Variants in SP100 observed in about 807,000 individuals in gnomAD.
SP100 encodes SP100 nuclear body protein, also known as nuclear autoantigen Sp-100.
Under a neutral mutation model 130.0 loss-of-function variants are expected in SP100, and 84 were observed. The observed-to-expected ratio is 0.65, with a 90% CI of 0.54 to 0.77. SP100 has a LOEUF of 0.77. SP100 is among the 30% of genes least tolerant of loss of function. The pLI is 0.00. For synonymous variants in SP100, 331 were observed against 351.7 expected, an observed-to-expected ratio of 0.94 and a Z score of 0.66; for missense variants, 978 against 1,052.2, an observed-to-expected ratio of 0.93 and a Z score of 0.97.
chr2:230,513,974 C>T (rs1046984861), intron 24 of SP100, among the ~76,000 whole-genome samples: 1 of 152,046 alleles, frequency 6.6e-6, no homozygotes, highest in Admixed American at 6.5e-5. Flanking sequence ...AGAAATTAGT[C>T]CTAAGAGTAA....
intron 2 of SP100, among the ~76,000 whole-genome samples, chr2:230,436,903 C>CATATATATGTGTAT (rs1575602842): frequency 4.8e-5 from 6 of 124,780 alleles, no homozygotes; most frequent in Admixed American, 7.8e-5. Context: ...TGTATACACA[C>CATATATATGTGTAT]ACGCATATAT....
In SP100 at chr2:230,542,927, A is replaced by G; in HGVS notation, c.2639A>G (p.Asn880Ser). Residue 880 changes from asparagine (N) to serine (S), a missense_variant, in exon 29 of 29, where the codon AAC (asparagine) becomes AGC (serine). Physicochemically the swap from Asn to Ser is conservative, Grantham distance 46. Coordinates refer to ENST00000340126, the MANE Select transcript of SP100 (RefSeq NM_001080391.2). ...NIFAIQETSK[N>S]IIMFI ...TTTGCAATTCAGGAAACAAGCAAGA[A>G]CATTATAATGTTTATTTAGCCATTC... The G allele has an allele frequency of 6.3e-7, 1 of 1,593,086 alleles. No homozygotes were observed. Among genetic ancestry groups the G allele is most frequent in the Non-Finnish European group, 8.6e-7 (1 of 1,160,822 alleles).
At chr2:230,532,392 T>C (rs1691739670) in intron 24 of SP100, among the ~76,000 whole-genome samples, 1 of 152,102 alleles carries the variant, frequency 6.6e-6, no homozygotes, top group Admixed American at 6.5e-5. Flanking sequence ...GAGGAAAAAC[T>C]GTGATATAGG....
In SP100 at chr2:230,504,205, T is replaced by C; in HGVS notation, c.1785T>C (p.Asp595=). ...RRKRGPRIPK[D]ENINFKQSEL... ...TTGCAGGTCCAAGAATTCCCAAAGA[T>C]GAAAATATTAATTTTAAACAATCTG... The change falls in exon 21 of 29, where the codon GAT becomes GAC. Residue 595 remains aspartate (D), a synonymous_variant. Transcript: ENST00000340126. The C allele has an allele frequency of 1.2e-6, 2 of 1,610,732 alleles. No homozygotes were observed. Among genetic ancestry groups the C allele is most frequent in the South Asian group, 1.1e-5 (1 of 90,624 alleles).
intron 2 of SP100, among the ~76,000 whole-genome samples, chr2:230,424,271 G>A (rs2062854428): frequency 6.6e-6 from 1 of 152,206 alleles, no homozygotes; most frequent in Admixed American, 6.6e-5. Context: ...ACACTCAAGA[G>A]AGGATTGCAA....
chr2:230,447,878 A>G (rs2063777199), intron 5 of SP100, among the ~76,000 whole-genome samples: 1 of 152,162 alleles, frequency 6.6e-6, no homozygotes, highest in Non-Finnish European at 1.5e-5. Flanking sequence ...GGTGGAGCTG[A>G]AAGTTCCACC....
At chr2:230,430,505 G>A (rs772272807) in intron 2 of SP100, among the ~76,000 whole-genome samples, 1 of 152,210 alleles carries the variant, frequency 6.6e-6, no homozygotes, top group Non-Finnish European at 1.5e-5. Flanking sequence ...CAGGTTCAGT[G>A]GGACCACAGA....
chr2:230,453,868 A>T (rs973810546), intron 8 of SP100, among the ~76,000 whole-genome samples: 1 of 152,184 alleles, frequency 6.6e-6, no homozygotes, highest in Non-Finnish European at 1.5e-5. Context: ...TTTGAAAAAG[A>T]TTGCTATTTG....
intron 17 of SP100, among the ~76,000 whole-genome samples, chr2:230,479,739 G>T (rs1351635098): frequency 6.6e-6 from 1 of 152,228 alleles, no homozygotes; most frequent in Non-Finnish European, 1.5e-5. Flanking sequence ...GATTTTGAGA[G>T]ATTTTGGCCA....
At chr2:230,505,245 AT>A (rs1333823244) in intron 21 of SP100, among the ~76,000 whole-genome samples, 2 of 152,178 alleles carry the variant, frequency 1.3e-5, no homozygotes, top group Admixed American at 1.3e-4. Context: ...CTATGAGGCC[AT>A]CTCCTCTTAC....
At chr2:230,442,496 A>G (rs2063509505) in intron 2 of SP100, among the ~76,000 whole-genome samples, 1 of 152,160 alleles carries the variant, frequency 6.6e-6, no homozygotes, top group South Asian at 2.1e-4. Flanking sequence ...CAGATTAGAG[A>G]AGGACATGTT....
At chr2:230,451,216 C>T (rs977134324) in intron 8 of SP100, among the ~76,000 whole-genome samples, 16 of 152,310 alleles carry the variant, frequency 1.1e-4, no homozygotes, top group Middle Eastern at 3.4e-3. Context: ...ACACTCCATA[C>T]TGTTTTTCTT....
intron 24 of SP100, among the ~76,000 whole-genome samples, chr2:230,522,597 T>A (rs1575801275): frequency 1.3e-5 from 2 of 148,572 alleles, no homozygotes; most frequent in African/African-American, 5.0e-5. Context: ...CAAGCGATTC[T>A]CCTGCCTCAG....
rs1407276249 is a variant in SP100, at chr2:230,436,927, A to AGTGTATACACACACGCATATAT, written c.108-5995_108-5974dup. On this transcript the variant is annotated intron_variant, in intron 2 of 28. Coordinates refer to ENST00000340126, the MANE Select transcript of SP100 (RefSeq NM_001080391.2). Reference sequence around the variant, plus strand: ...ACACGCATATATGTGTATACACACAAGTGTATACACACACGCATATATGTG... The same window carrying AGTGTATACACACACGCATATAT: ...ACACGCATATATGTGTATACACACAAGTGTATACACACACGCATATATGTGTATACACACACGCATATATGTG... Among the ~76,000 whole-genome samples the AGTGTATACACACACGCATATAT allele has an allele frequency of 7.3e-3, 584 of 79,984 alleles. 7 individuals are homozygous for AGTGTATACACACACGCATATAT. The highest frequency in any genetic ancestry group is 0.034 in the African/African-American group (553 of 16,494). The allele number at this position is 79,984 out of a possible 152,430, so 52.5% of individuals were successfully genotyped here.
At chr2:230,510,167 C>T (rs2150080847) in intron 23 of SP100, 1 of 152,726 alleles carries the variant, frequency 6.5e-6, no homozygotes, top group East Asian at 1.9e-4. Context: ...GCCTCTCTGC[C>T]TTGAGCTACA....
At chr2:230,538,525 A>G (rs1282012437) in intron 24 of SP100, 1 of 152,374 alleles carries the variant, frequency 6.6e-6, no homozygotes, top group East Asian at 1.9e-4. Flanking sequence ...TGCCATTGAA[A>G]GGGAACACAT....
At chr2:230,466,238 G>A in intron 11 of SP100, 63 bp from the exon 12 acceptor site, 2 of 843,738 alleles carry the variant, frequency 2.4e-6, no homozygotes, top group East Asian at 2.6e-5. Flanking sequence ...TGCCATGTCA[G>A]TTGTCATAGA....
In SP100 at chr2:230,416,271, G is replaced by C; in HGVS notation, c.-26G>C. On this transcript the variant is annotated 5_prime_UTR_variant, in exon 1 of 29. Transcript: ENST00000340126. ...AGGGGCTCAGAGGCCAGGCTCTGAG[G>C]CCCACGCAGGGCCTAGGGTGGGAAG... 1 of 1,609,356 alleles carries C rather than the reference G, an allele frequency of 6.2e-7. No individual in the cohort carries two copies. Among genetic ancestry groups the C allele is most frequent in the Non-Finnish European group, 8.5e-7 (1 of 1,176,530 alleles).
intron 2 of SP100, among the ~76,000 whole-genome samples, chr2:230,430,920 G>A (rs1238629679): frequency 1.3e-5 from 2 of 152,222 alleles, no homozygotes; most frequent in African/African-American, 4.8e-5. Flanking sequence ...TTACCTGCCT[G>A]GGCAAAGACA....
Sources: allele counts gnomAD v4.1 joint callset (sites outside exome capture counted in the v4.1 genomes callset), GRCh38; gene constraint gnomAD v4.1.1; transcripts MANE v1.5; gene names NCBI Gene and HGNC (gene_info 2026-07-23, HGNC 2026-07-21).